RNF19B: variants seen among roughly 807,000 people sequenced by gnomAD.
RNF19B encodes ring finger protein 19B.
RNF19B carries 23 observed loss-of-function variants against 65.5 expected under a neutral mutation model. The observed-to-expected ratio is 0.35, with a 90% CI of 0.25 to 0.50. RNF19B has a LOEUF of 0.50. RNF19B is among the 20% of genes least tolerant of loss of function. The pLI is 0.98. For missense variants in RNF19B, 794 were observed against 980.0 expected, an observed-to-expected ratio of 0.81 and a Z score of 2.53; for synonymous variants, 372 against 379.6, an observed-to-expected ratio of 0.98 and a Z score of 0.23.
chr1:32,941,805 A>T (rs754233829), intron 7 of RNF19B, among the ~76,000 whole-genome samples: 3 of 143,414 alleles, frequency 2.1e-5, no homozygotes, highest in Non-Finnish European at 4.6e-5. Flanking sequence ...TTGTAAAAGT[A>T]AAAAAAAAAA....
At position 32,964,704 on chromosome 1, in the gene RNF19B, A is replaced by G. The variant is rs2124205884; in HGVS notation, c.-19T>C. The G allele has an allele frequency of 7.0e-7, 1 of 1,428,062 alleles. No individual in the cohort carries two copies. The allele number at this position is 1,428,062 out of a possible 1,614,324, so 88.5% of individuals were successfully genotyped here. ...AGCCCATGGCCGGCAGAGGCCGAGG[A>G]GCCAGGGGCGCCCAGCGCCGCCACA... On this transcript the variant is annotated 5_prime_UTR_variant, in exon 1 of 9. Coordinates refer to ENST00000235150, the MANE Select transcript of RNF19B (RefSeq NM_001300826.2). This position sits in a 1 kb window ranked among gnomAD's most constrained non-coding sequence, Gnocchi z 6.5.
chr1:32,943,941 T>G, intron 6 of RNF19B, 78 bp downstream of exon 6: 1 of 1,406,810 alleles, frequency 7.1e-7, no homozygotes, highest in South Asian at 1.3e-5. Flanking sequence ...ACAATCTCCC[T>G]GTAAAATGCG....
At chr1:32,956,784 T>C (rs2124177465) in intron 1 of RNF19B, among the ~76,000 whole-genome samples, 1 of 152,248 alleles carries the variant, frequency 6.6e-6, no homozygotes, top group Non-Finnish European at 1.5e-5. Flanking sequence ...TCCAATAGAC[T>C]TCAGTGGTTA....
chr1:32,963,184 A>G (rs2124196836), intron 1 of RNF19B, among the ~76,000 whole-genome samples: 1 of 152,210 alleles, frequency 6.6e-6, no homozygotes, highest in African/African-American at 2.4e-5. Context: ...GGTAAGAACG[A>G]CAGAGTGCCT....
At position 32,964,214 on chromosome 1, in the gene RNF19B, T is replaced by A. The variant is rs1642843343; in HGVS notation, c.472A>T (p.Arg158Trp). Residue 158 changes from arginine (R) to tryptophan (W), a missense_variant, in exon 1 of 9, where the codon AGG becomes TGG. This residue lies in a region of RNF19B where 374 missense variants were observed against 423.8 expected (regional missense o/e 0.88). Coordinates refer to ENST00000235150, the MANE Select transcript of RNF19B (RefSeq NM_001300826.2). The surrounding 1 kb of genome is among the most constrained non-coding windows in gnomAD (Gnocchi z 6.5). ...HYLRLEISESRVPISCPECSE... is the reference protein window; with the variant it reads ...HYLRLEISESWVPISCPECSE... ...CACTCGGGGCAGCTGATGGGCACCC[T>A]GCTCTCGCTTATCTCCAGGCGCAGG... 1 of 1,546,364 alleles carries A rather than the reference T, an allele frequency of 6.5e-7. No individual in the cohort carries two copies. Among genetic ancestry groups the A allele is most frequent in the African/African-American group, 1.4e-5 (1 of 72,244 alleles).
At chr1:32,950,933 G>C (rs568425382) in intron 1 of RNF19B, among the ~76,000 whole-genome samples, 1 of 150,682 alleles carries the variant, frequency 6.6e-6, no homozygotes, top group African/African-American at 2.4e-5. Flanking sequence ...TCCGCCTCCC[G>C]GGTTCAAGCG....
In RNF19B at chr1:32,942,144, A is replaced by C. The variant is rs1020453260; in HGVS notation, c.1610+108T>G. 5 of 902,806 alleles carry C rather than the reference A, an allele frequency of 5.5e-6. No homozygotes were observed. The Admixed American group carries it at 1.0e-4, about 19-fold the overall frequency. 55.9% of individuals were successfully genotyped at this position (902,806 alleles called of 1,614,324 possible). ...AAACAAAACAAAACCATTGACAATT[A>C]AATCAAAATAAGATGATACGTGGCA... On this transcript the variant is annotated intron_variant, in intron 7 of 8. Coordinates refer to ENST00000235150, the MANE Select transcript of RNF19B (RefSeq NM_001300826.2).
At chr1:32,947,139 A>G (rs1387779272) in intron 3 of RNF19B, among the ~76,000 whole-genome samples, 1 of 152,208 alleles carries the variant, frequency 6.6e-6, no homozygotes, top group African/African-American at 2.4e-5. Flanking sequence ...CTTCTCCACT[A>G]GAAGGGATAA....
chr1:32,946,644 G>T, intron 3 of RNF19B, 80 bp from the exon 4 acceptor site: 1 of 1,269,402 alleles, frequency 7.9e-7, no homozygotes, highest in Non-Finnish European at 1.1e-6. Context: ...AACAGCAACA[G>T]CCTTCTTTTC....
chr1:32,933,158 G>A (rs1345476731), downstream of RNF19B, among the ~76,000 whole-genome samples: 3 of 152,172 alleles, frequency 2.0e-5, no homozygotes, highest in Non-Finnish European at 4.4e-5. Flanking sequence ...TTTAGTCATT[G>A]CTACATCTTA....
Position 32,964,742 on chromosome 1 carries a change from G to C in RNF19B, c.-57C>G. The C allele has an allele frequency of 7.6e-7, 1 of 1,318,206 alleles. No individual in the cohort carries two copies. Among genetic ancestry groups the C allele is most frequent in the East Asian group, 3.3e-5 (1 of 30,092 alleles). 81.7% of individuals were successfully genotyped at this position (1,318,206 alleles called of 1,614,324 possible). On this transcript the variant is annotated 5_prime_UTR_variant, in exon 1 of 9. Transcript: ENST00000235150. The surrounding 1 kb of genome is among the most constrained non-coding windows in gnomAD (Gnocchi z 6.5). Reference sequence around the variant, plus strand: ...CAGCGCCGCCACAGCTCCCGCCTCAGCGCCCCTCAGCCAGCGCCCGGCCGC... The same window carrying C: ...CAGCGCCGCCACAGCTCCCGCCTCACCGCCCCTCAGCCAGCGCCCGGCCGC...
downstream of RNF19B, among the ~76,000 whole-genome samples, chr1:32,934,383 T>C (rs1037943452): frequency 6.6e-6 from 1 of 152,126 alleles, no homozygotes; most frequent in African/African-American, 2.4e-5. Context: ...TGGAAGCTCT[T>C]TAAATGCAAT....
downstream of RNF19B, among the ~76,000 whole-genome samples, chr1:32,936,144 T>C (rs1335906688): frequency 2.0e-5 from 3 of 152,174 alleles, no homozygotes; most frequent in African/African-American, 7.2e-5. Context: ...AAGGGCAAAG[T>C]TTTAAGAGTA....
downstream of RNF19B, among the ~76,000 whole-genome samples, chr1:32,934,919 G>T (rs536988969): frequency 6.6e-6 from 1 of 151,784 alleles, no homozygotes; most frequent in African/African-American, 2.4e-5. Context: ...TGCAACATCC[G>T]CCTCCCGAGT....
chr1:32,943,394 G>A (rs367855693), intron 6 of RNF19B, among the ~76,000 whole-genome samples: 8 of 151,960 alleles, frequency 5.3e-5, no homozygotes, highest in Non-Finnish European at 1.0e-4. Context: ...GGCGGATCAT[G>A]GGGTGAGGAG....
chr1:32,937,448 A>C, intron 8 of RNF19B, 189 bp from the exon 9 acceptor site: 6 of 928,552 alleles, frequency 6.5e-6, no homozygotes, highest in African/African-American at 1.6e-5. Context: ...GTGGTGGCTC[A>C]TGCCTATAAC....
chr1:32,957,204 G>C (rs1464958149), intron 1 of RNF19B, among the ~76,000 whole-genome samples: 1 of 152,102 alleles, frequency 6.6e-6, no homozygotes, highest in East Asian at 1.9e-4. Context: ...ATGGGGTCTT[G>C]CTATTACCCA....
intron 8 of RNF19B, 122 bp downstream of exon 8, chr1:32,938,275 A>T: frequency 9.9e-7 from 1 of 1,007,374 alleles, no homozygotes; most frequent in Non-Finnish European, 1.5e-6. Flanking sequence ...ATGAATTCAC[A>T]GGTTACACTA....
At chr1:32,944,903 T>A (rs1642329180) in intron 5 of RNF19B, among the ~76,000 whole-genome samples, 1 of 152,082 alleles carries the variant, frequency 6.6e-6, no homozygotes, top group Non-Finnish European at 1.5e-5. Flanking sequence ...TTAGCCAGGA[T>A]GGTCTCGATC....
Sources: allele counts gnomAD v4.1 joint callset (sites outside exome capture counted in the v4.1 genomes callset), GRCh38; gene constraint gnomAD v4.1.1; regional missense constraint gnomAD v4.1.1; non-coding constraint Gnocchi (gnomAD v3.1); transcripts MANE v1.5; gene names NCBI Gene and HGNC (gene_info 2026-07-23, HGNC 2026-07-21).